LAMA4: variants seen among roughly 807,000 people sequenced by gnomAD.
LAMA4 encodes laminin subunit alpha 4, also known as laminin subunit alpha-4.
A neutral mutation model predicts 207.1 loss-of-function variants in LAMA4; 127 were observed. The observed-to-expected ratio is 0.61, with a 90% CI of 0.53 to 0.71. LAMA4 has a LOEUF of 0.71. Among genes scored for constraint, LAMA4 ranks in the 30% least tolerant of loss-of-function variants. LAMA4 has a pLI of 0.00. For synonymous variants in LAMA4, 761 were observed against 816.0 expected (o/e 0.93, Z 1.15); for missense variants, 2,093 against 2,246.5 (o/e 0.93, Z 1.38).
At chr6:112,219,755 A>T (rs1456414779) in intron 2 of LAMA4, among the ~76,000 whole-genome samples, 1 of 152,174 alleles carries the variant, frequency 6.6e-6, no homozygotes, top group Non-Finnish European at 1.5e-5. Context: ...TGTGTCAGTT[A>T]TGTTGCACAA....
chr6:112,137,768 A>G (rs1554331991), intron 24 of LAMA4, among the ~76,000 whole-genome samples: 1 of 152,226 alleles, frequency 6.6e-6, no homozygotes, highest in Non-Finnish European at 1.5e-5. Context: ...ATTTCTGAAA[A>G]TGCTGTTAAG....
chr6:112,172,457 T>C (rs1781769894), intron 12 of LAMA4, 154 bp downstream of exon 12: 1 of 692,614 alleles, frequency 1.4e-6, no homozygotes, highest in Non-Finnish European at 2.5e-6. Context: ...ACACACAAGT[T>C]AGTAATTTAT....
intron 2 of LAMA4, chr6:112,234,677 G>T (rs147207697): frequency 6.6e-6 from 1 of 151,854 alleles, no homozygotes; most frequent in East Asian, 1.9e-4. Flanking sequence ...GATCCAACAC[G>T]TAGCTTTCAA....
intron 20 of LAMA4, among the ~76,000 whole-genome samples, chr6:112,141,776 A>G (rs1455401187): frequency 1.3e-5 from 2 of 152,136 alleles, no homozygotes; most frequent in African/African-American, 2.4e-5. Flanking sequence ...ACCCAGGAAT[A>G]TAATACAGCC....
At position 112,158,761 on chromosome 6, in the gene LAMA4, G is replaced by T. The variant is rs145986920; in HGVS notation, c.1788C>A (p.Asp596Glu). ...TCAATTCATTAGCTTCTTGTTGAAG[G>T]TCCTGTGCATGGTCAATAGCTTCTT... ...LVQEAIDHAQ[D>E]LQQEANELSR... The change falls in exon 14 of 39, where the codon GAC becomes GAA. Residue 596 changes from aspartate to glutamate, a missense_variant. By Grantham distance (45) the Asp-to-Glu change is conservative (BLOSUM62 2). This residue lies in a region of LAMA4 where 1,704 missense variants were observed against 1,788.4 expected (regional missense o/e 0.95). Coordinates refer to ENST00000230538, the MANE Select transcript of LAMA4 (RefSeq NM_001105206.3). 2.0e-5 allele frequency: 32 copies of T among 1,613,776 alleles called. No individual in the cohort carries two copies. In the African/African-American group the frequency reaches 4.0e-4, roughly 20 times the overall value.
In LAMA4 at chr6:112,175,594, G is replaced by C. The variant is rs1014990484; in HGVS notation, c.1190-114C>G. On this transcript the variant is annotated intron_variant, in intron 10 of 38. Coordinates refer to ENST00000230538, the MANE Select transcript of LAMA4 (RefSeq NM_001105206.3). ...CAGGGCTGATCCTGAAATGGAAAGA[G>C]AGACTCATTCAAAAGCAGCGTGCTA... 8 of 1,039,064 alleles carry C rather than the reference G, an allele frequency of 7.7e-6. No homozygotes were observed. In the African/African-American group the frequency reaches 1.1e-4, roughly 14 times the overall value. The allele number at this position is 1,039,064 out of a possible 1,614,324, so 64.4% of individuals were successfully genotyped here. A position where few individuals can be genotyped will look rare whatever the true frequency, so the allele number is the denominator to read the frequency against.
intron 3 of LAMA4, chr6:112,213,967 A>G: frequency 1.4e-6 from 1 of 717,072 alleles, no homozygotes; most frequent in East Asian, 2.6e-5. Flanking sequence ...ACAGTGAGCT[A>G]CAAGAAGTGT....
intron 4 of LAMA4, among the ~76,000 whole-genome samples, chr6:112,202,256 C>T (rs1469832098): frequency 6.6e-6 from 1 of 152,036 alleles, no homozygotes; most frequent in African/African-American, 2.4e-5. Flanking sequence ...CCCATGGAAC[C>T]CTCTCTCTTT....
At chr6:112,159,124 C>T (rs1312105665) in intron 13 of LAMA4, 2 of 480,064 alleles carry the variant, frequency 4.2e-6, no homozygotes, top group Admixed American at 7.1e-5. Context: ...CATTTCAGAC[C>T]TAAAAACTAA....
At chr6:112,236,850 G>A (rs1785962662) in intron 2 of LAMA4, 1 of 152,132 alleles carries the variant, frequency 6.6e-6, no homozygotes, top group Non-Finnish European at 1.5e-5. Context: ...CCACAAATGG[G>A]GTGAACTACT....
chr6:112,212,611 A>G (rs1020653380), intron 3 of LAMA4, among the ~76,000 whole-genome samples: 3 of 152,158 alleles, frequency 2.0e-5, no homozygotes, highest in Non-Finnish European at 4.4e-5. Context: ...TGGACACGAA[A>G]CTTTCTGACT....
chr6:112,230,497 T>G (rs1554364110), intron 2 of LAMA4, among the ~76,000 whole-genome samples: 1 of 152,224 alleles, frequency 6.6e-6, no homozygotes, highest in Non-Finnish European at 1.5e-5. Flanking sequence ...CCTTATTACC[T>G]TCTAGAATGG....
chr6:112,230,642 G>T (rs1371611735), intron 2 of LAMA4, among the ~76,000 whole-genome samples: 1 of 152,188 alleles, frequency 6.6e-6, no homozygotes, highest in South Asian at 2.1e-4. Flanking sequence ...TGGTTCTCCT[G>T]AGTGAGCTGC....
intron 17 of LAMA4, among the ~76,000 whole-genome samples, chr6:112,150,248 C>CACAG: frequency 6.6e-6 from 1 of 150,464 alleles, no homozygotes; most frequent in East Asian, 2.0e-4. Context: ...CACACACAGA[C>CACAG]ACACACACAC....
Position 112,133,380 on chromosome 6 carries a change from C to T in LAMA4, c.3665G>A (p.Gly1222Glu), listed in dbSNP as rs1326335457. 3 of 1,613,668 alleles carry T rather than the reference C, an allele frequency of 1.9e-6. No individual in the cohort carries two copies. The highest frequency in any genetic ancestry group is 4.5e-5 in the East Asian group (2 of 44,894). Residue 1222 changes from glycine (G) to glutamate (E), a missense_variant, in exon 27 of 39, where the codon GGA (glycine) becomes GAA (glutamate). Physicochemically the swap from Gly to Glu is moderately conservative, Grantham distance 98. Coordinates refer to ENST00000230538, the MANE Select transcript of LAMA4 (RefSeq NM_001105206.3). ...GTCTTCTGGGCATCCATAACCAACT[C>T]CCAGGGTTTCTGTCTGCTCCAGTAA... ...FNLLEQTETL[G>E]VGYGCPEDSL...
intron 8 of LAMA4, among the ~76,000 whole-genome samples, chr6:112,186,028 T>C (rs1432430336): frequency 6.6e-6 from 1 of 152,222 alleles, no homozygotes; most frequent in African/African-American, 2.4e-5. Context: ...ACAAGAACAA[T>C]TTCAAAGTTT....
chr6:112,124,024 A>G (rs1562633299), intron 31 of LAMA4, among the ~76,000 whole-genome samples: 3 of 152,190 alleles, frequency 2.0e-5, no homozygotes, highest in Non-Finnish European at 4.4e-5. Context: ...CTAATGTCTT[A>G]GGAAAATTTC....
At chr6:112,116,268 C>G (rs114759790) in intron 35 of LAMA4, among the ~76,000 whole-genome samples, 56 of 152,174 alleles carry the variant, frequency 3.7e-4, no homozygotes, top group African/African-American at 1.3e-3. Flanking sequence ...AAATTAATTC[C>G]AAGTAGCAGC....
At chr6:112,120,623 G>A in intron 32 of LAMA4, 151 bp from the exon 33 acceptor site, 1 of 669,444 alleles carries the variant, frequency 1.5e-6, no homozygotes. Flanking sequence ...TATTATTAAT[G>A]AATATTAAAT....
Sources: gnomAD v4.1 joint callset for allele counts (sites outside exome capture counted in the v4.1 genomes callset) on GRCh38, gnomAD v4.1.1 for gene constraint, gnomAD v4.1.1 regional missense constraint, MANE v1.5 for transcripts, NCBI Gene and HGNC (gene_info 2026-07-23, HGNC 2026-07-21) for gene names.